The following TMEM175 variants were observed in gnomAD, a reference collection of about 807,000 sequenced individuals.
TMEM175 encodes the protein endosomal/lysosomal proton channel TMEM175.
Under a neutral mutation model 36.5 loss-of-function variants are expected in TMEM175, and 36 were observed. The ratio of observed to expected loss-of-function variants is 0.99; its 90% CI spans 0.76 to 1.30. The LOEUF (loss-of-function observed/expected upper bound fraction) is 1.30. TMEM175 is among the 50% of genes most tolerant of loss of function. The probability of loss-of-function intolerance (pLI) is 0.00; values close to 1 mark genes in which losing one functional copy is unlikely to be tolerated. For synonymous variants in TMEM175, 339 were observed against 313.4 expected (o/e 1.08, Z -0.86); for missense variants, 705 against 692.8 (o/e 1.02, Z -0.20).
rs528126770 is a variant in TMEM175, at chr4:956,401, C to T, written c.842+511C>T. 142 of 1,289,324 alleles carry T rather than the reference C, an allele frequency of 1.1e-4. 1 individual carries two copies. In the African/African-American group the frequency reaches 1.4e-3, roughly 13 times the overall value. The allele number at this position is 1,289,324 out of a possible 1,614,324, so 79.9% of individuals were successfully genotyped here. ...TCATCTGCCTCTTCGTCTGTTAGAG[C>T]GCGCGTCTCGTCTCAGTCGTCACGT... On this transcript the variant is annotated intron_variant, in intron 10 of 10. Coordinates refer to ENST00000264771, the MANE Select transcript of TMEM175 (RefSeq NM_032326.4).
intron 3 of TMEM175, among the ~76,000 whole-genome samples, chr4:949,262 C>T (rs1728569129): frequency 6.6e-6 from 1 of 152,228 alleles, no homozygotes; most frequent in African/African-American, 2.4e-5. Context: ...AACCTGTGAA[C>T]CTAAACCTGC....
chr4:950,422 A>T lies in TMEM175; in HGVS notation c.194A>T (p.Gln65Leu). The change falls in exon 4 of 11, where the codon CAG (glutamine) becomes CTG (leucine). Residue 65 changes from glutamine to leucine, a missense_variant and splice_region_variant. Transcript: ENST00000264771. ...VTHTEISPEQ[Q>L]FDRSVQRLLA... ...GACAGCAGTGCTCTTGTATTCCAGC[A>T]GTTCGACAGAAGTGTACAGAGGCTT... 6.2e-7 allele frequency: 1 copy of T among 1,612,196 alleles called. No homozygotes were observed. Among genetic ancestry groups the T allele is most frequent in the Non-Finnish European group, 8.5e-7 (1 of 1,178,286 alleles).
intron 1 of TMEM175, among the ~76,000 whole-genome samples, chr4:937,137 A>G (rs575510734): frequency 6.6e-6 from 1 of 152,224 alleles, no homozygotes; most frequent in Admixed American, 6.5e-5. Flanking sequence ...CATGTACCCC[A>G]TGAATATATA....
intron 3 of TMEM175, chr4:948,690 G>A: frequency 8.3e-7 from 1 of 1,202,018 alleles, no homozygotes; most frequent in Non-Finnish European, 1.1e-6. Flanking sequence ...CAGCATCTTA[G>A]AAGGGGAATG....
chr4:941,401 C>G (rs958981677), intron 1 of TMEM175, among the ~76,000 whole-genome samples: 2 of 135,266 alleles, frequency 1.5e-5, no homozygotes, highest in Non-Finnish European at 3.2e-5. Context: ...AAAAAAGAAA[C>G]AAAACAAAAA....
intron 1 of TMEM175, among the ~76,000 whole-genome samples, chr4:935,791 TG>T (rs1444754632): frequency 2.0e-5 from 3 of 152,252 alleles, no homozygotes; most frequent in African/African-American, 7.2e-5. Flanking sequence ...CTGACCAGAA[TG>T]ATATTGAATA....
chr4:951,185 A>G lies in TMEM175; in HGVS notation c.291-22A>G, dbSNP rs185745363. 22 of 1,613,408 alleles carry G rather than the reference A, an allele frequency of 1.4e-5. No individual in the cohort carries two copies. In the African/African-American group the frequency reaches 1.5e-4, roughly 11 times the overall value. Reference sequence around the variant, plus strand: ...TTACTACAACCGCGTTTTATTGTCTATCTTTTTCTTAAATGGTTTAGGTTG... The same window carrying G: ...TTACTACAACCGCGTTTTATTGTCTGTCTTTTTCTTAAATGGTTTAGGTTG... On this transcript the variant is annotated intron_variant, in intron 4 of 10. Coordinates refer to ENST00000264771, the MANE Select transcript of TMEM175 (RefSeq NM_032326.4).
At chr4:953,886 A>G (rs941725360) in intron 8 of TMEM175, among the ~76,000 whole-genome samples, 1 of 152,050 alleles carries the variant, frequency 6.6e-6, no homozygotes, top group African/African-American at 2.4e-5. Flanking sequence ...GAGTCTTGCT[A>G]TATTGCCCAG....
chr4:948,605 C>T, intron 3 of TMEM175: 1 of 1,299,214 alleles, frequency 7.7e-7, no homozygotes, highest in Non-Finnish European at 1.0e-6. Flanking sequence ...GCTGCTCCTG[C>T]AGGCCTGGAG....
chr4:938,530 G>C (rs1727071647), intron 1 of TMEM175, among the ~76,000 whole-genome samples: 1 of 151,970 alleles, frequency 6.6e-6, no homozygotes, highest in Non-Finnish European at 1.5e-5. Context: ...AAATCGGATA[G>C]AATCTATAAA....
intron 1 of TMEM175, among the ~76,000 whole-genome samples, chr4:936,881 A>G (rs1377892184): frequency 6.6e-6 from 1 of 151,758 alleles, no homozygotes; most frequent in Non-Finnish European, 1.5e-5. Context: ...CGCTTGAACC[A>G]GAGAGTCGGA....
intron 1 of TMEM175, among the ~76,000 whole-genome samples, chr4:942,883 G>A (rs1239882577): frequency 2.0e-5 from 3 of 151,916 alleles, no homozygotes; most frequent in Admixed American, 1.3e-4. Context: ...CAGGTGATCC[G>A]CCCGCCTCTG....
At chr4:949,979 A>G (rs2153001733) in intron 3 of TMEM175, among the ~76,000 whole-genome samples, 1 of 152,212 alleles carries the variant, frequency 6.6e-6, no homozygotes, top group South Asian at 2.1e-4. Context: ...CATGAATGAC[A>G]TTCGTGACCT....
intron 1 of TMEM175, among the ~76,000 whole-genome samples, chr4:938,879 C>T (rs976953749): frequency 6.6e-6 from 1 of 152,180 alleles, no homozygotes. Context: ...GAATTTGACA[C>T]ATAGATTCTA....
chr4:955,813 A>T lies in TMEM175; in HGVS notation c.765A>T (p.Pro255=). ...VEVFSFDLHE[P]LSKERVEAFS... is the part of the protein sequence containing the mutation. ...TCTTCTCGTTTGACCTCCACGAGCC[A>T]CTCAGCAAGGAGCGCGTGGAAGCCT... Residue 255 remains proline (P), a synonymous_variant, in exon 10 of 11, where the codon CCA becomes CCT. Coordinates refer to ENST00000264771, the MANE Select transcript of TMEM175 (RefSeq NM_032326.4). 1 of 1,613,908 alleles carries T rather than the reference A, an allele frequency of 6.2e-7. No individual in the cohort carries two copies. The highest frequency in any genetic ancestry group is 8.5e-7 in the Non-Finnish European group (1 of 1,179,956).
intron 8 of TMEM175, among the ~76,000 whole-genome samples, chr4:955,114 T>C (rs752008024): frequency 7.0e-4 from 107 of 152,134 alleles, no homozygotes; most frequent in Non-Finnish European, 1.4e-3. Flanking sequence ...GACTAATTTT[T>C]TATTTTTCGT....
intron 10 of TMEM175, 43 bp from the exon 11 acceptor site, chr4:957,781 C>T (rs1729903969): frequency 1.3e-6 from 2 of 1,552,338 alleles, no homozygotes; most frequent in Admixed American, 1.8e-5. Flanking sequence ...GCCTGTGTGG[C>T]CACGGCAAGG....
intron 1 of TMEM175, among the ~76,000 whole-genome samples, chr4:933,543 G>C (rs960888817): frequency 5.9e-5 from 9 of 152,110 alleles, no homozygotes; most frequent in African/African-American, 1.4e-4. Context: ...TCCAGCTTCT[G>C]TGGAAAAATC....
At chr4:951,963 C>T (rs1728947452) in intron 6 of TMEM175, 1 of 593,262 alleles carries the variant, frequency 1.7e-6, no homozygotes, top group South Asian at 2.0e-5. Context: ...GCCCTGAGCC[C>T]ACAGCCCCCT....
Sources: allele counts gnomAD v4.1 joint callset (sites outside exome capture counted in the v4.1 genomes callset), GRCh38; gene constraint gnomAD v4.1.1; transcripts MANE v1.5; gene names NCBI Gene and HGNC (gene_info 2026-07-23, HGNC 2026-07-21).